Variants in ABI3BP observed in about 807,000 individuals in gnomAD.
ABI3BP encodes the protein ABI family member 3 binding protein.
In ABI3BP, 216 loss-of-function variants were observed where a neutral mutation model predicts 268.6. That is an observed-to-expected ratio of 0.80 (90% CI 0.72 to 0.90). The LOEUF (loss-of-function observed/expected upper bound fraction) is 0.90. ABI3BP is among the 40% of genes least tolerant of loss of function. ABI3BP has a pLI of 0.00. For missense variants in ABI3BP, 2,090 were observed against 2,182.4 expected (o/e 0.96, Z 0.84); for synonymous variants, 730 against 730.0 (o/e 1.00, Z 0.00).
At chr3:100,882,076 G>T (rs1041833658) in intron 6 of ABI3BP, among the ~76,000 whole-genome samples, 1 of 152,070 alleles carries the variant, frequency 6.6e-6, no homozygotes, top group Middle Eastern at 3.4e-3. Context: ...TTTCCATTCC[G>T]AATACCTCTT....
chr3:100,952,411 T>C (rs1465440901), intron 1 of ABI3BP, among the ~76,000 whole-genome samples: 7 of 152,176 alleles, frequency 4.6e-5, no homozygotes, highest in South Asian at 2.1e-4. Flanking sequence ...ATATGATTTT[T>C]GTTAATTAAA....
intron 16 of ABI3BP, 77 bp downstream of exon 16, chr3:100,850,583 C>T: frequency 9.5e-7 from 1 of 1,049,270 alleles, no homozygotes; most frequent in Non-Finnish European, 1.5e-6. Flanking sequence ...ATGAAATGGT[C>T]ATTTGGAAGA....
intron 38 of ABI3BP, 54 bp downstream of exon 38, chr3:100,822,535 G>A (rs921087855): frequency 6.8e-7 from 1 of 1,478,818 alleles, no homozygotes; most frequent in African/African-American, 1.4e-5. Context: ...TTACTCTTGA[G>A]ACCCTACTGG....
Position 100,818,448 on chromosome 3 carries a change from G to A in ABI3BP, c.3088+77C>T, listed in dbSNP as rs1007463945. The A allele has an allele frequency of 2.5e-5, 30 of 1,205,712 alleles. No homozygotes were observed. The African/African-American group carries it at 3.5e-4, about 14-fold the overall frequency. The allele number at this position is 1,205,712 out of a possible 1,614,324, so 74.7% of individuals were successfully genotyped here. On this transcript the variant is annotated intron_variant, in intron 41 of 67. Coordinates refer to ENST00000471714, the MANE Select transcript of ABI3BP (RefSeq NM_001375547.2). Reference sequence around the variant, plus strand: ...ACAAAGAATGACAGGATGGTCTTATGATGAAGAAGAAACTGACTACAGTGG... The same window carrying A: ...ACAAAGAATGACAGGATGGTCTTATAATGAAGAAGAAACTGACTACAGTGG...
At chr3:100,957,237 A>G (rs572383966) in intron 1 of ABI3BP, among the ~76,000 whole-genome samples, 6 of 152,344 alleles carry the variant, frequency 3.9e-5, no homozygotes, top group African/African-American at 1.4e-4. Context: ...AAGCAGAGCT[A>G]AAAAATTTGT....
At chr3:100,898,543 T>C (rs1368751707) in intron 4 of ABI3BP, among the ~76,000 whole-genome samples, 1 of 152,236 alleles carries the variant, frequency 6.6e-6, no homozygotes, top group African/African-American at 2.4e-5. Flanking sequence ...GACTCATACT[T>C]CCTTGTATAA....
intron 20 of ABI3BP, 44 bp from the exon 21 acceptor site, chr3:100,842,083 C>G: frequency 6.9e-7 from 1 of 1,450,808 alleles, no homozygotes; most frequent in Non-Finnish European, 9.3e-7. Flanking sequence ...CTGAAGAGCA[C>G]CATCTGAGAT....
Position 100,926,446 on chromosome 3 carries a change from T to G in ABI3BP, c.115A>C (p.Thr39Pro). ...RPNLKVHINT[T>P]SDSILLKFLR... is the part of the protein sequence containing the mutation. ...AACTTCAAGAGGATGGAGTCACTTG[T>G]GGTATTGATGTGGACTTTGAGGTTT... The change falls in exon 2 of 68, where the codon ACA becomes CCA. Residue 39 changes from threonine (T) to proline (P), a missense_variant. By Grantham distance (38) the Thr-to-Pro change is conservative. Transcript: ENST00000471714. The G allele has an allele frequency of 6.2e-7, 1 of 1,613,364 alleles. No homozygotes were observed. The highest frequency in any genetic ancestry group is 8.5e-7 in the Non-Finnish European group (1 of 1,179,536).
Position 100,820,286 on chromosome 3 carries a change from G to T in ABI3BP, c.2965C>A (p.Arg989=). 6.5e-7 allele frequency: 1 copy of T among 1,535,888 alleles called. No individual in the cohort carries two copies. Among genetic ancestry groups the T allele is most frequent in the Non-Finnish European group, 8.7e-7 (1 of 1,146,696 alleles). ...VTTQAPKTSQ[R]TRRPRPKTKT... is the part of the protein sequence containing the mutation. ...GTTTTGGGACGTGGACGACGAGTTCGTTGTGATGTTTTAGGAGCTGAAGAA... is the reference window on the plus strand; with the variant it reads ...GTTTTGGGACGTGGACGACGAGTTCTTTGTGATGTTTTAGGAGCTGAAGAA... Residue 989 remains arginine, a synonymous_variant, in exon 40 of 68, where the codon CGA becomes AGA. Coordinates refer to ENST00000471714, the MANE Select transcript of ABI3BP (RefSeq NM_001375547.2).
intron 20 of ABI3BP, chr3:100,843,518 GA>G: frequency 1.2e-6 from 1 of 837,516 alleles, no homozygotes; most frequent in Non-Finnish European, 1.4e-6. Context: ...GGAGGGAGAG[GA>G]TGTGTGTGTG....
chr3:100,804,635 C>T lies in ABI3BP; in HGVS notation c.3757+157G>A, dbSNP rs556178646. Among the ~76,000 whole-genome samples, 11 of 152,240 alleles carry T rather than the reference C, an allele frequency of 7.2e-5. No individual in the cohort carries two copies. The South Asian group carries it at 2.1e-3, about 29-fold the overall frequency. ...TTTACTAGATGAACCAGTGGGCACTCTTATGAAACTTCTGAAATTATCATA... is the reference window on the plus strand; with the variant it reads ...TTTACTAGATGAACCAGTGGGCACTTTTATGAAACTTCTGAAATTATCATA... On this transcript the variant is annotated intron_variant, in intron 51 of 67. Coordinates refer to ENST00000471714, the MANE Select transcript of ABI3BP (RefSeq NM_001375547.2).
At chr3:100,891,641 G>A (rs1325640930) in intron 4 of ABI3BP, among the ~76,000 whole-genome samples, 1 of 152,188 alleles carries the variant, frequency 6.6e-6, no homozygotes, top group African/African-American at 2.4e-5. Flanking sequence ...ATGCTATGAT[G>A]CCATCCCTGG....
At position 100,749,922 on chromosome 3, in the gene ABI3BP, G is replaced by GTAAC. The variant is rs921362009; in HGVS notation, c.*569_*572dup. 2.6e-6 allele frequency: 1 copy of GTAAC among 392,000 alleles called. No individual in the cohort carries two copies. The highest frequency in any genetic ancestry group is 4.4e-5 in the Admixed American group (1 of 22,570). 24.3% of individuals were successfully genotyped at this position (392,000 alleles called of 1,614,324 possible). ...AGGAAATGTATATTAGCATGAATGT[G>GTAAC]TAACTATTAAACTCCTCCGCAAAGC... On this transcript the variant is annotated 3_prime_UTR_variant, in exon 68 of 68. Transcript: ENST00000471714.
At chr3:100,969,342 C>A (rs1032492562) in intron 1 of ABI3BP, among the ~76,000 whole-genome samples, 4 of 152,124 alleles carry the variant, frequency 2.6e-5, no homozygotes, top group Non-Finnish European at 4.4e-5. Context: ...CTAGAGCTAG[C>A]CAGTGGCATT....
At position 100,828,461 on chromosome 3, in the gene ABI3BP, AAAT is replaced by A; in HGVS notation, c.2543-12_2543-10del. The A allele has an allele frequency of 6.5e-7, 1 of 1,529,624 alleles. No homozygotes were observed. Among genetic ancestry groups the A allele is most frequent in the Non-Finnish European group, 8.8e-7 (1 of 1,142,246 alleles). 94.8% of individuals were successfully genotyped at this position (1,529,624 alleles called of 1,614,324 possible). A position where few individuals can be genotyped will look rare whatever the true frequency, so the allele number is the denominator to read the frequency against. On this transcript the variant is annotated splice_polypyrimidine_tract_variant and intron_variant, in intron 33 of 67. Coordinates refer to ENST00000471714, the MANE Select transcript of ABI3BP (RefSeq NM_001375547.2). ...AAAGATTGTAGCAGGAACTGGCCAA[AAAT>A]AATAAAAATAAAACACCAACAAAAC...
chr3:100,885,867 C>T (rs7617819), intron 5 of ABI3BP, among the ~76,000 whole-genome samples: 6,633 of 151,890 alleles, frequency 0.044, 514 homozygotes, highest in African/African-American at 0.15. Flanking sequence ...TGTTGGTGTT[C>T]GCAGGTAGGG....
chr3:100,873,234 A>G (rs188815423), intron 9 of ABI3BP, among the ~76,000 whole-genome samples: 321 of 152,358 alleles, frequency 2.1e-3, no homozygotes, highest in Non-Finnish European at 3.7e-3. Context: ...TTTGAAAAAC[A>G]CATGAAGAGA....
intron 40 of ABI3BP, among the ~76,000 whole-genome samples, chr3:100,818,978 T>C (rs2098130100): frequency 2.6e-5 from 4 of 152,222 alleles, no homozygotes; most frequent in Admixed American, 6.5e-5. Flanking sequence ...AACAGCCTGT[T>C]TGAGAGAAGA....
At chr3:100,977,373 A>T (rs1364011211) in intron 1 of ABI3BP, among the ~76,000 whole-genome samples, 2 of 152,196 alleles carry the variant, frequency 1.3e-5, no homozygotes, top group African/African-American at 4.8e-5. Flanking sequence ...GAGGAGCTGA[A>T]CTGGGCAGTC....
Sources: gnomAD v4.1 joint callset for allele counts (sites outside exome capture counted in the v4.1 genomes callset) on GRCh38, gnomAD v4.1.1 for gene constraint, MANE v1.5 for transcripts, NCBI Gene and HGNC (gene_info 2026-07-23, HGNC 2026-07-21) for gene names.